Variants in SLX4 observed in about 807,000 individuals in gnomAD.
The protein encoded by SLX4 is SLX4 structure-specific endonuclease subunit.
In SLX4, 112 loss-of-function variants were observed where a neutral mutation model predicts 146.2. That is an observed-to-expected ratio of 0.77 (90% CI 0.66 to 0.90). The LOEUF (loss-of-function observed/expected upper bound fraction) is 0.90. Ranked by LOEUF, SLX4 falls within the 40% of genes least tolerant of loss-of-function variation. The probability of loss-of-function intolerance (pLI) is 0.00; values close to 1 mark genes in which losing one functional copy is unlikely to be tolerated. For missense variants in SLX4, 2,563 were observed against 2,392.7 expected (o/e 1.07, Z -1.49); for synonymous variants, 1,061 against 997.7 (o/e 1.06, Z -1.20).
rs778675429 is a variant in SLX4, at chr16:3,584,836, C to A, written c.4672G>T (p.Val1558Leu). ...TACTGTGGCATCGGCGTTATGGGCA[C>A]TTTGGGGGGCAAGTTCTTCTTCCGA... ...ANRKKNLPPK[V>L]PITPMPQYSI... Residue 1558 changes from valine to leucine, a missense_variant, in exon 13 of 15, where the codon GTG becomes TTG. Transcript: ENST00000294008. 1 of 1,614,134 alleles carries A rather than the reference C, an allele frequency of 6.2e-7. No homozygotes were observed. Among genetic ancestry groups the A allele is most frequent in the South Asian group, 1.1e-5 (1 of 91,090 alleles).
In SLX4 at chr16:3,582,076, C is replaced by T. The variant is rs1567165453; in HGVS notation, c.*266G>A. ...AAAAAAAGAAAACCAAAAAGGGAGA[C>T]ACACTGTGAGCACGGACAGAGGAAG... is the stretch of plus-strand genomic sequence containing the variant. On this transcript the variant is annotated 3_prime_UTR_variant, in exon 15 of 15. Coordinates refer to ENST00000294008, the MANE Select transcript of SLX4 (RefSeq NM_032444.4). 1 of 552,980 alleles carries T rather than the reference C, an allele frequency of 1.8e-6. No individual in the cohort carries two copies. The highest frequency in any genetic ancestry group is 3.2e-6 in the Non-Finnish European group (1 of 310,458). The allele number at this position is 552,980 out of a possible 1,614,324, so 34.3% of individuals were successfully genotyped here.
chr16:3,604,310 G>A (rs765220906), intron 3 of SLX4, among the ~76,000 whole-genome samples: 11 of 151,396 alleles, frequency 7.3e-5, no homozygotes, highest in Admixed American at 2.6e-4. Flanking sequence ...CTGAGCTACA[G>A]CAATATGCAG....
rs1427016496 is a variant in SLX4 at position 3,590,582 on chromosome 16, G to A, written c.3056C>T (p.Ser1019Phe). The part of the protein sequence containing the change: ...GAVRERGLEV[S>F]HRLAPWQASP... ...TGCCTGCCAGGGAGCCAGGCGATGA[G>A]AAACCTCCAGCCCCCTTTCCCTGAC... Residue 1019 changes from serine (S) to phenylalanine (F), a missense_variant, in exon 12 of 15, where the codon TCT becomes TTT. Coordinates refer to ENST00000294008, the MANE Select transcript of SLX4 (RefSeq NM_032444.4). The surrounding 1 kb of genome is among the most constrained non-coding windows in gnomAD (Gnocchi z 4.8). The A allele has an allele frequency of 3.7e-6, 6 of 1,612,862 alleles. No individual in the cohort carries two copies. The highest frequency in any genetic ancestry group is 5.1e-6 in the Non-Finnish European group (6 of 1,178,964).
In SLX4 at chr16:3,590,890, G is replaced by A. The variant is rs374815885; in HGVS notation, c.2748C>T (p.Ala916=). 1.1e-5 allele frequency: 17 copies of A among 1,613,890 alleles called. No homozygotes were observed. Among genetic ancestry groups the A allele is most frequent in the East Asian group, 4.5e-5 (2 of 44,868 alleles). Residue 916 remains alanine (A), a synonymous_variant, in exon 12 of 15, where the codon GCC becomes GCT. Transcript: ENST00000294008. The surrounding 1 kb of genome is among the most constrained non-coding windows in gnomAD (Gnocchi z 4.8). ...MEPLEPGRDE[A]ATTWEKMGQC... Reference sequence around the variant, plus strand: ...GTCCCATCTTCTCCCAGGTGGTGGCGGCCTCATCTCTTCCTGGCTCCAACG... The same window carrying A: ...GTCCCATCTTCTCCCAGGTGGTGGCAGCCTCATCTCTTCCTGGCTCCAACG...
rs770529698 is a variant in SLX4 at position 3,582,461 on chromosome 16, T to C, written c.5386A>G (p.Arg1796Gly). 3 of 1,613,894 alleles carry C rather than the reference T, an allele frequency of 1.9e-6. No individual in the cohort carries two copies. The highest frequency in any genetic ancestry group is 1.7e-5 in the Admixed American group (1 of 60,014). The part of the protein sequence containing the change: ...RQNGLRVSSR[R>G]LLDFLDTHCI... ...TGGGTGTCCAGGAAGTCCAACAGCCTGCGCGAGGACACACGGAGGCCGTTC... is the reference window on the plus strand; with the variant it reads ...TGGGTGTCCAGGAAGTCCAACAGCCCGCGCGAGGACACACGGAGGCCGTTC... The change falls in exon 15 of 15, where the codon AGG (arginine) becomes GGG (glycine). Residue 1796 changes from arginine (R) to glycine (G), a missense_variant. Arg to Gly is a moderately radical substitution (Grantham distance 125). Transcript: ENST00000294008.
In SLX4 at chr16:3,590,016, G is replaced by T; in HGVS notation, c.3622C>A (p.Pro1208Thr). Residue 1208 changes from proline to threonine, a missense_variant, in exon 12 of 15, where the codon CCA becomes ACA. Physicochemically the swap from Pro to Thr is conservative, Grantham distance 38. Coordinates refer to ENST00000294008, the MANE Select transcript of SLX4 (RefSeq NM_032444.4). This position sits in a 1 kb window ranked among gnomAD's most constrained non-coding sequence, Gnocchi z 4.8. ...DADQEPSQSP[P>T]RSEAVLQQED... ...TGCTGCAGCACAGCTTCGCTTCTTG[G>T]TGGGCTCTGGGAAGGTTCCTGATCT... is the stretch of plus-strand genomic sequence containing the variant. 6.2e-7 allele frequency: 1 copy of T among 1,614,132 alleles called. No homozygotes were observed. Among genetic ancestry groups the T allele is most frequent in the Non-Finnish European group, 8.5e-7 (1 of 1,180,036 alleles).
At chr16:3,601,325 G>T in intron 4 of SLX4, 134 bp from the exon 5 acceptor site, 1 of 868,104 alleles carries the variant, frequency 1.2e-6, no homozygotes. Flanking sequence ...TACACAGCCT[G>T]GCTCCGTCTC....
intron 13 of SLX4, among the ~76,000 whole-genome samples, chr16:3,584,380 C>A (rs759959088): frequency 6.6e-6 from 1 of 152,054 alleles, no homozygotes; most frequent in African/African-American, 2.4e-5. Context: ...GGGACTGCGC[C>A]ACTGCACTCC....
At chr16:3,593,614 C>T (rs2040616514) in intron 10 of SLX4, among the ~76,000 whole-genome samples, 1 of 152,196 alleles carries the variant, frequency 6.6e-6, no homozygotes, top group South Asian at 2.1e-4. Context: ...CCTAACACTC[C>T]TCTTTTGTCA....
At chr16:3,582,782 C>CG (rs1459760398) in intron 14 of SLX4, 89 bp from the exon 15 acceptor site, 2 of 1,244,960 alleles carry the variant, frequency 1.6e-6, no homozygotes, top group Admixed American at 2.0e-5. Flanking sequence ...AAGGTGTCTA[C>CG]GGGTCCCATG....
chr16:3,598,384 A>G (rs2151132400), intron 5 of SLX4, among the ~76,000 whole-genome samples: 1 of 152,200 alleles, frequency 6.6e-6, no homozygotes, highest in East Asian at 1.9e-4. Flanking sequence ...TGCTCCTTAC[A>G]CGGTCCTGGC....
rs772345247 is a variant in SLX4, at chr16:3,600,938, A to C, written c.1163+41T>G. 7 of 1,605,918 alleles carry C rather than the reference A, an allele frequency of 4.4e-6. No individual in the cohort carries two copies. In the East Asian group the frequency reaches 1.6e-4, roughly 36 times the overall value. On this transcript the variant is annotated intron_variant, in intron 5 of 14. Coordinates refer to ENST00000294008, the MANE Select transcript of SLX4 (RefSeq NM_032444.4). ...AATAGAAAAAGCCCTGAGTGCACAC[A>C]GCATTATTTGGCTTGGTTTTCTTCC...
At chr16:3,587,897 C>G (rs1002320994) in intron 12 of SLX4, among the ~76,000 whole-genome samples, 5 of 151,138 alleles carry the variant, frequency 3.3e-5, no homozygotes, top group Non-Finnish European at 7.4e-5. Flanking sequence ...CAGCCCAGCC[C>G]GGCCTGTCCT....
chr16:3,601,169 T>A lies in SLX4; in HGVS notation c.973A>T (p.Thr325Ser), dbSNP rs181942292. 14 of 1,614,084 alleles carry A rather than the reference T, an allele frequency of 8.7e-6. No individual in the cohort carries two copies. In the East Asian group the frequency reaches 3.1e-4, roughly 36 times the overall value. Residue 325 changes from threonine to serine, a missense_variant, in exon 5 of 15, where the codon ACA becomes TCA. Physicochemically the swap from Thr to Ser is moderately conservative, Grantham distance 58. Transcript: ENST00000294008. The stretch of plus-strand genomic sequence containing the variant: ...ATCTGAGGCACAGAAGGTCTTAGTG[T>A]CTTTTCAGCTTCATCCAAGCACCTG... ...VNRCLDEAEK[T>S]LRPSVPQIPE... is the part of the protein sequence containing the mutation.
chr16:3,603,721 C>G (rs188078620), intron 3 of SLX4, among the ~76,000 whole-genome samples: 13 of 152,318 alleles, frequency 8.5e-5, no homozygotes, highest in African/African-American at 3.1e-4. Context: ...ACAGGAGCAC[C>G]TGGCATTATT....
At chr16:3,592,584 C>A (rs1281492148) in intron 11 of SLX4, 115 bp downstream of exon 11, 1 of 1,241,802 alleles carries the variant, frequency 8.1e-7, no homozygotes, top group South Asian at 1.3e-5. Flanking sequence ...AAGGTATAAA[C>A]AGGACTGTTA....
At position 3,606,464 on chromosome 16, in the gene SLX4, C is replaced by G. The variant is rs1315558013; in HGVS notation, c.760+10G>C. 6.2e-7 allele frequency: 1 copy of G among 1,613,766 alleles called. No homozygotes were observed. The highest frequency in any genetic ancestry group is 8.5e-7 in the Non-Finnish European group (1 of 1,179,650). ...TCTCTGTGTGGAAGACAGAAACACA[C>G]TCATCATACCATTCCCCGCCATCAT... On this transcript the variant is annotated intron_variant, in intron 3 of 14. Coordinates refer to ENST00000294008, the MANE Select transcript of SLX4 (RefSeq NM_032444.4).
chr16:3,608,158 AT>A (rs1340599770), intron 2 of SLX4, among the ~76,000 whole-genome samples: 2 of 151,936 alleles, frequency 1.3e-5, no homozygotes, highest in African/African-American at 2.4e-5. Context: ...CCAGCTCTAA[AT>A]TTTTTTTTAA....
At chr16:3,596,024 T>C (rs2040649001) in intron 8 of SLX4, 129 bp downstream of exon 8, 14 of 1,355,348 alleles carry the variant, frequency 1.0e-5, no homozygotes, top group Middle Eastern at 2.3e-4. Context: ...GCCCAGAGGC[T>C]GCGTGTTCTC....
Sources: gnomAD v4.1 joint callset for allele counts (sites outside exome capture counted in the v4.1 genomes callset) on GRCh38, gnomAD v4.1.1 for gene constraint, Gnocchi (gnomAD v3.1) non-coding constraint, MANE v1.5 for transcripts, NCBI Gene and HGNC (gene_info 2026-07-23, HGNC 2026-07-21) for gene names.